The following KLHL29 variants were observed in gnomAD, a reference collection of about 807,000 sequenced individuals.
The protein encoded by KLHL29 is kelch like family member 29.
A neutral mutation model predicts 80.4 loss-of-function variants in KLHL29; 21 were observed. The ratio of observed to expected loss-of-function variants is 0.26; its 90% CI spans 0.19 to 0.38. KLHL29 has a LOEUF of 0.38. Ranked by LOEUF, KLHL29 falls within the 10% of genes least tolerant of loss-of-function variation. The pLI is 1.00. For missense variants in KLHL29, 867 were observed against 1,223.9 expected (o/e 0.71, Z 4.35); for synonymous variants, 511 against 526.8 (o/e 0.97, Z 0.41).
At chr2:23,415,411 C>G (rs1666959216) in intron 1 of KLHL29, among the ~76,000 whole-genome samples, 1 of 152,172 alleles carries the variant, frequency 6.6e-6, no homozygotes, top group Non-Finnish European at 1.5e-5. Context: ...AACGTTCTTT[C>G]TTTTGTGAAG....
chr2:23,614,898 C>T (rs148821976), intron 3 of KLHL29, among the ~76,000 whole-genome samples: 1 of 152,234 alleles, frequency 6.6e-6, no homozygotes, highest in East Asian at 1.9e-4. Context: ...AAGAGAGGGG[C>T]GCCCTGGGCC....
At chr2:23,488,873 AC>A (rs2103446835) in intron 2 of KLHL29, among the ~76,000 whole-genome samples, 1 of 152,210 alleles carries the variant, frequency 6.6e-6, no homozygotes, top group African/African-American at 2.4e-5. Flanking sequence ...CCTCTTGCTT[AC>A]CCCCAAAGAA....
At chr2:23,465,366 A>T (rs1481026927) in intron 1 of KLHL29, among the ~76,000 whole-genome samples, 1 of 151,788 alleles carries the variant, frequency 6.6e-6, no homozygotes, top group Admixed American at 6.6e-5. Flanking sequence ...CACGCCTCTC[A>T]CCTCCTGCCT....
At chr2:23,618,820 TTGATCAAGCTACC>T (rs1282512116) in intron 3 of KLHL29, among the ~76,000 whole-genome samples, 1 of 152,218 alleles carries the variant, frequency 6.6e-6, no homozygotes, top group Non-Finnish European at 1.5e-5. Flanking sequence ...AACCCATAGC[TTGATCAAGCTACC>T]TGTGTCCTCT....
At chr2:23,424,671 A>G (rs1234438874) in intron 1 of KLHL29, among the ~76,000 whole-genome samples, 1 of 152,196 alleles carries the variant, frequency 6.6e-6, no homozygotes, top group Non-Finnish European at 1.5e-5. Context: ...AATGAGAGGA[A>G]GAAAGAAGGG....
In KLHL29 at chr2:23,582,236, C is replaced by A. The variant is rs1044662716; in HGVS notation, c.285+19755C>A. Among the ~76,000 whole-genome samples the A allele has an allele frequency of 2.6e-5, 4 of 152,190 alleles. No individual in the cohort carries two copies. In the South Asian group the frequency reaches 8.3e-4, roughly 31 times the overall value. On this transcript the variant is annotated intron_variant, in intron 3 of 13. Transcript: ENST00000486442. Reference sequence around the variant, plus strand: ...TTATGGTGGTGTGCTTTATGGTTTTCAAACATTTTAATTAGTTTCATTTTT... The same window carrying A: ...TTATGGTGGTGTGCTTTATGGTTTTAAAACATTTTAATTAGTTTCATTTTT...
chr2:23,572,858 G>A (rs1227628568), intron 3 of KLHL29, among the ~76,000 whole-genome samples: 5 of 152,258 alleles, frequency 3.3e-5, no homozygotes, highest in South Asian at 2.1e-4. Context: ...CCGCCTCCGC[G>A]CCTGGCTAAT....
intron 3 of KLHL29, among the ~76,000 whole-genome samples, chr2:23,563,779 C>A (rs1383277210): frequency 6.6e-6 from 1 of 152,310 alleles, no homozygotes; most frequent in South Asian, 2.1e-4. Context: ...TCGGAGCGCA[C>A]TGACATCTTG....
intron 1 of KLHL29, among the ~76,000 whole-genome samples, chr2:23,414,166 C>T (rs537677075): frequency 7.0e-4 from 106 of 152,348 alleles, no homozygotes; most frequent in Non-Finnish European, 1.1e-3. Flanking sequence ...GAAGGATCCT[C>T]CTGTGGAGGA....
intron 2 of KLHL29, among the ~76,000 whole-genome samples, chr2:23,527,769 A>AG (rs1281833261): frequency 2.0e-5 from 3 of 152,224 alleles, no homozygotes; most frequent in African/African-American, 7.2e-5. Flanking sequence ...TTACACCCCA[A>AG]GCCTCCATAG....
intron 1 of KLHL29, among the ~76,000 whole-genome samples, chr2:23,405,080 T>G (rs1310858288): frequency 6.6e-6 from 1 of 152,194 alleles, no homozygotes; most frequent in African/African-American, 2.4e-5. Flanking sequence ...GGAGTATGAT[T>G]TAGATAATTA....
chr2:23,701,004 C>G lies in KLHL29; in HGVS notation c.2106-2182C>G, dbSNP rs560145711. On this transcript the variant is annotated intron_variant, in intron 11 of 13. Coordinates refer to ENST00000486442, the MANE Select transcript of KLHL29 (RefSeq NM_052920.2). The stretch of plus-strand genomic sequence containing the variant: ...TTCCAGCTTTGTGCCAGAGATCCCA[C>G]AGCTGAATATTTAATCCACACCCAA... Among the ~76,000 whole-genome samples the G allele has an allele frequency of 2.0e-5, 3 of 152,172 alleles. No individual in the cohort carries two copies. In the East Asian group the frequency reaches 5.8e-4, roughly 29 times the overall value.
At chr2:23,594,166 C>G (rs1668337594) in intron 3 of KLHL29, among the ~76,000 whole-genome samples, 2 of 152,296 alleles carry the variant, frequency 1.3e-5, no homozygotes, top group Middle Eastern at 6.8e-3. Flanking sequence ...GTTCTGTTTT[C>G]TCTGCCTGGC....
intron 3 of KLHL29, among the ~76,000 whole-genome samples, chr2:23,615,011 G>A (rs546989615): frequency 5.1e-4 from 77 of 152,332 alleles, no homozygotes; most frequent in Non-Finnish European, 9.7e-4. Context: ...CCAGCCATCA[G>A]GTCCTTCTCT....
chr2:23,693,337 C>T lies in KLHL29; in HGVS notation c.1351C>T (p.Leu451Phe), dbSNP rs1007446750. 7 of 1,551,382 alleles carry T rather than the reference C, an allele frequency of 4.5e-6. No individual in the cohort carries two copies. The highest frequency in any genetic ancestry group is 1.4e-5 in the African/African-American group (1 of 73,032). ...GGCCGAGGCCATGCAGTGCAGCGAG[C>T]TCTACCACATGGCCAAGGCCTTCGC... is the stretch of plus-strand genomic sequence containing the variant. ...AMAEAMQCSE[L>F]YHMAKAFALQ... The change falls in exon 8 of 14, where the codon CTC becomes TTC. Residue 451 changes from leucine (L) to phenylalanine (F), a missense_variant. Around this residue, in one of 2 missense-constraint regions of KLHL29, gnomAD observed 443 missense variants for 767.0 expected, o/e 0.58. Transcript: ENST00000486442.
chr2:23,431,269 ATGTGTGACCCTG>A (rs1388934243), intron 1 of KLHL29, among the ~76,000 whole-genome samples: 1 of 152,332 alleles, frequency 6.6e-6, no homozygotes, highest in East Asian at 1.9e-4. Context: ...CTTTATCTAA[ATGTGTGACCCTG>A]TGTTCAGAGC....
intron 3 of KLHL29, among the ~76,000 whole-genome samples, chr2:23,588,180 C>T (rs571616877): frequency 4.9e-4 from 75 of 152,308 alleles, no homozygotes; most frequent in African/African-American, 1.6e-3. Context: ...AGTGCCTGCT[C>T]CTCCTCCTGG....
At position 23,503,909 on chromosome 2, in the gene KLHL29, C is replaced by T. The variant is rs556426350; in HGVS notation, c.-46+28242C>T. ...TAGAATGCTTCTGCTGTGCCTGCAT[C>T]CTTCCCTCCTCCACTAGGAGCCTCT... On this transcript the variant is annotated intron_variant, in intron 2 of 13. Transcript: ENST00000486442. The surrounding 1 kb of genome is among the most constrained non-coding windows in gnomAD (Gnocchi z 4.0). Among the ~76,000 whole-genome samples the T allele has an allele frequency of 2.0e-5, 3 of 152,326 alleles. No homozygotes were observed. Among genetic ancestry groups the T allele is most frequent in the African/African-American group, 7.2e-5 (3 of 41,574 alleles).
intron 3 of KLHL29, among the ~76,000 whole-genome samples, chr2:23,604,178 G>A (rs1257112412): frequency 1.3e-5 from 2 of 151,482 alleles, no homozygotes; most frequent in Non-Finnish European, 2.9e-5. Context: ...TTGAGACAGA[G>A]TCTCACTCTT....
Sources: gnomAD v4.1 joint callset for allele counts (sites outside exome capture counted in the v4.1 genomes callset) on GRCh38, gnomAD v4.1.1 for gene constraint, gnomAD v4.1.1 regional missense constraint, Gnocchi (gnomAD v3.1) non-coding constraint, MANE v1.5 for transcripts, NCBI Gene and HGNC (gene_info 2026-07-23, HGNC 2026-07-21) for gene names.